GRK5: variants seen among roughly 807,000 people sequenced by gnomAD.
GRK5 encodes the protein g protein-coupled receptor kinase GRK5.
GRK5 carries 40 observed loss-of-function variants against 78.4 expected under a neutral mutation model. The ratio of observed to expected loss-of-function variants is 0.51; its 90% confidence interval spans 0.40 to 0.66. The LOEUF is 0.66. GRK5 is among the 30% of genes least tolerant of loss of function. GRK5 has a pLI of 0.00. For synonymous variants in GRK5, 289 were observed against 296.8 expected, an observed-to-expected ratio of 0.97 and a Z score of 0.27; for missense variants, 598 against 759.9, an observed-to-expected ratio of 0.79 and a Z score of 2.50.
intron 1 of GRK5, among the ~76,000 whole-genome samples, chr10:119,246,266 T>C (rs1266160417): frequency 6.6e-6 from 1 of 152,162 alleles, no homozygotes; most frequent in Non-Finnish European, 1.5e-5. Context: ...GGATTACTTA[T>C]AATACCTCAT....
chr10:119,436,195 G>A (rs996510358), intron 8 of GRK5, among the ~76,000 whole-genome samples: 1 of 152,204 alleles, frequency 6.6e-6, no homozygotes, highest in Admixed American at 6.5e-5. Context: ...GCCTTTACCA[G>A]GCCATGTTCC....
At chr10:119,325,587 AG>A (rs1156704475) in intron 1 of GRK5, among the ~76,000 whole-genome samples, 2 of 152,164 alleles carry the variant, frequency 1.3e-5, no homozygotes, top group African/African-American at 4.8e-5. Flanking sequence ...CGCCACTGTA[AG>A]GGTGGAGAGT....
At chr10:119,287,105 AGAAG>A (rs1156319990) in intron 1 of GRK5, among the ~76,000 whole-genome samples, 1 of 112,742 alleles carries the variant, frequency 8.9e-6, no homozygotes, top group Non-Finnish European at 1.9e-5. Context: ...AGGAAGGGAG[AGAAG>A]GAAGGAAGAA....
chr10:119,290,373 ACT>A (rs560548186), intron 1 of GRK5, among the ~76,000 whole-genome samples: 1 of 140,492 alleles, frequency 7.1e-6, no homozygotes, highest in South Asian at 2.3e-4. Context: ...ACAAAAAACA[ACT>A]CTGTCCCCTT....
chr10:119,262,824 G>C (rs1016637748), intron 1 of GRK5, among the ~76,000 whole-genome samples: 1 of 152,156 alleles, frequency 6.6e-6, no homozygotes, highest in Non-Finnish European at 1.5e-5. Context: ...TCTTTAGCAA[G>C]TAACTGTAAT....
At chr10:119,418,310 G>A (rs1852504031) in intron 4 of GRK5, among the ~76,000 whole-genome samples, 1 of 152,202 alleles carries the variant, frequency 6.6e-6, no homozygotes, top group Non-Finnish European at 1.5e-5. Context: ...GCTTCAGGGG[G>A]GACCAGAAGG....
chr10:119,448,191 CCCCT>C lies in GRK5; in HGVS notation c.1336_1339del (p.Pro446SerfsTer5). 6.3e-7 allele frequency: 1 copy of C among 1,591,124 alleles called. No individual in the cohort carries two copies. The highest frequency in any genetic ancestry group is 8.5e-7 in the Non-Finnish European group (1 of 1,170,598). On this transcript the variant is annotated frameshift_variant, in exon 13 of 16. Transcript: ENST00000392870. LOFTEE classifies it high-confidence loss of function. ...AGGGGGCTGCAGAGGTCAAGAGACA[CCCCT>C]TCTTCAGGAACATGAACTTCAAGCG...
intron 1 of GRK5, among the ~76,000 whole-genome samples, chr10:119,210,272 A>G (rs144504163): frequency 6.4e-4 from 98 of 152,336 alleles, no homozygotes; most frequent in Non-Finnish European, 1.2e-3. Context: ...AGAGACTGAC[A>G]CGTGAACAAG....
Position 119,431,233 on chromosome 10 carries a change from G to T in GRK5, c.598-154G>T, listed in dbSNP as rs1332376771. ...GTGGGCCCCAGGCCAGGCATCACTGGGTCCTGGGAGCCTGGAGCACTCATG... is the reference window on the plus strand; with the variant it reads ...GTGGGCCCCAGGCCAGGCATCACTGTGTCCTGGGAGCCTGGAGCACTCATG... On this transcript the variant is annotated intron_variant, in intron 7 of 15. Transcript: ENST00000392870. The surrounding 1 kb of genome is among the most constrained non-coding windows in gnomAD (Gnocchi z 4.8). Among the ~76,000 whole-genome samples the T allele has an allele frequency of 6.6e-6, 1 of 152,212 alleles. No homozygotes were observed. Among genetic ancestry groups the T allele is most frequent in the Non-Finnish European group, 1.5e-5 (1 of 68,040 alleles).
intron 2 of GRK5, among the ~76,000 whole-genome samples, chr10:119,364,575 C>G (rs954509093): frequency 6.6e-6 from 1 of 152,118 alleles, no homozygotes; most frequent in Non-Finnish European, 1.5e-5. Flanking sequence ...CTGCCTCCCT[C>G]CTGCTGTACC....
At chr10:119,315,436 G>C (rs80241856) in intron 1 of GRK5, among the ~76,000 whole-genome samples, 1 of 152,340 alleles carries the variant, frequency 6.6e-6, no homozygotes, top group African/African-American at 2.4e-5. Flanking sequence ...GGGTGGCAAA[G>C]GTGGCAGAGC....
At chr10:119,344,758 G>A (rs1851050230) in intron 2 of GRK5, among the ~76,000 whole-genome samples, 2 of 152,218 alleles carry the variant, frequency 1.3e-5, no homozygotes, top group African/African-American at 2.4e-5. Flanking sequence ...TTGGTGAGAA[G>A]TTCTCATAAC....
intron 2 of GRK5, among the ~76,000 whole-genome samples, chr10:119,368,346 C>T (rs374150232): frequency 9.9e-5 from 15 of 152,168 alleles, no homozygotes; most frequent in South Asian, 4.1e-4. Flanking sequence ...TTGCTCCAGC[C>T]GTATTGCCAC....
chr10:119,226,690 G>A (rs192478068), intron 1 of GRK5, among the ~76,000 whole-genome samples: 4 of 151,384 alleles, frequency 2.6e-5, no homozygotes, highest in African/African-American at 4.8e-5. Flanking sequence ...GATTACAGGC[G>A]CCTGCTACCA....
chr10:119,415,141 A>T (rs1360955648), intron 4 of GRK5, among the ~76,000 whole-genome samples: 2 of 151,202 alleles, frequency 1.3e-5, no homozygotes, highest in Non-Finnish European at 3.0e-5. Flanking sequence ...GGCAGTGATG[A>T]TGAGAATGAT....
intron 1 of GRK5, among the ~76,000 whole-genome samples, chr10:119,241,294 G>A (rs920723609): frequency 1.3e-5 from 2 of 152,172 alleles, no homozygotes; most frequent in Admixed American, 6.5e-5. Flanking sequence ...CATAGACTGC[G>A]GTTTCCTACG....
At chr10:119,237,984 G>A (rs371835024) in intron 1 of GRK5, among the ~76,000 whole-genome samples, 18 of 135,278 alleles carry the variant, frequency 1.3e-4, no homozygotes, top group Admixed American at 1.2e-3. Flanking sequence ...TTAAGGCATG[G>A]AAAGGGCTCT....
At chr10:119,388,420 T>G (rs1272745374) in intron 3 of GRK5, among the ~76,000 whole-genome samples, 1 of 152,238 alleles carries the variant, frequency 6.6e-6, no homozygotes, top group Non-Finnish European at 1.5e-5. Context: ...CACTGTAACC[T>G]CCACCTCCTG....
chr10:119,359,402 G>A (rs1413078070), intron 2 of GRK5, among the ~76,000 whole-genome samples: 3 of 152,236 alleles, frequency 2.0e-5, no homozygotes, highest in African/African-American at 4.8e-5. Context: ...CGGGTCCTGC[G>A]TGGCCCAGCA....
Sources: gnomAD v4.1 joint callset for allele counts (sites outside exome capture counted in the v4.1 genomes callset) on GRCh38, gnomAD v4.1.1 for gene constraint, Gnocchi (gnomAD v3.1) non-coding constraint, MANE v1.5 for transcripts, NCBI Gene and HGNC (gene_info 2026-07-23, HGNC 2026-07-21) for gene names.